Variants in TRPS1 observed in about 807,000 individuals in gnomAD.
The protein encoded by TRPS1 is transcriptional repressor GATA binding 1.
Under a neutral mutation model 101.2 loss-of-function variants are expected in TRPS1, and 6 were observed. That is an observed-to-expected ratio of 0.06 (90% CI 0.03 to 0.12). The LOEUF (loss-of-function observed/expected upper bound fraction) is 0.12. Among genes scored for constraint, TRPS1 ranks in the 10% least tolerant of loss-of-function variants. TRPS1 has a pLI of 1.00. For missense variants in TRPS1, 1,363 were observed against 1,567.0 expected (o/e 0.87, Z 2.20); for synonymous variants, 578 against 589.8 (o/e 0.98, Z 0.29).
chr8:115,431,996 A>G (rs1813330793), intron 5 of TRPS1, among the ~76,000 whole-genome samples: 1 of 151,834 alleles, frequency 6.6e-6, no homozygotes, highest in African/African-American at 2.4e-5. Context: ...GCATATACAC[A>G]TATATTCCTT....
intron 1 of TRPS1, among the ~76,000 whole-genome samples, chr8:115,666,541 T>C (rs959209562): frequency 8.5e-5 from 13 of 152,172 alleles, no homozygotes; most frequent in African/African-American, 3.1e-4. Flanking sequence ...GTTCAGAAAC[T>C]TTCATTCTCA....
chr8:115,505,002 C>G (rs1425797499), intron 5 of TRPS1, among the ~76,000 whole-genome samples: 1 of 152,012 alleles, frequency 6.6e-6, no homozygotes, highest in African/African-American at 2.4e-5. Flanking sequence ...ATATAGAGAA[C>G]CACATCATCT....
chr8:115,610,078 CAAAG>C (rs1403063771), intron 3 of TRPS1, among the ~76,000 whole-genome samples: 1 of 152,112 alleles, frequency 6.6e-6, no homozygotes, highest in South Asian at 2.1e-4. Context: ...TTCAACGCAG[CAAAG>C]AAAGAGTTGT....
intron 5 of TRPS1, among the ~76,000 whole-genome samples, chr8:115,495,906 T>C (rs1410215104): frequency 1.3e-5 from 2 of 152,162 alleles, no homozygotes; most frequent in Non-Finnish European, 2.9e-5. Flanking sequence ...CTTGAATTAT[T>C]AGACATCTTC....
At chr8:115,439,209 C>A (rs967907690) in intron 5 of TRPS1, among the ~76,000 whole-genome samples, 1 of 152,154 alleles carries the variant, frequency 6.6e-6, no homozygotes, top group African/African-American at 2.4e-5. Flanking sequence ...TTTATTTACA[C>A]CTGCTTTAGA....
chr8:115,414,101 A>G lies in TRPS1; in HGVS notation c.3807T>C (p.Tyr1269=), dbSNP rs1248058850. ...SICQHLCTDK[Y]DFTTHIQRGL... ...CCCTCTGGATATGTGTTGTGAAGTC[A>G]TATTTGTCCGTGCAAAGATGCTGGC... Residue 1269 remains tyrosine (Y), a synonymous_variant, in exon 7 of 7, where the codon TAT becomes TAC. Transcript: ENST00000395715. This position sits in a 1 kb window ranked among gnomAD's most constrained non-coding sequence, Gnocchi z 4.8. The G allele has an allele frequency of 4.3e-6, 7 of 1,613,810 alleles. No homozygotes were observed. Among genetic ancestry groups the G allele is most frequent in the South Asian group, 1.1e-5 (1 of 91,084 alleles).
At chr8:115,615,435 T>C (rs1210573124) in intron 3 of TRPS1, among the ~76,000 whole-genome samples, 1 of 152,084 alleles carries the variant, frequency 6.6e-6, no homozygotes. Context: ...AGGCCTCCAT[T>C]CAGTAATGGT....
chr8:115,442,555 G>A (rs1813626500), intron 5 of TRPS1, among the ~76,000 whole-genome samples: 2 of 149,170 alleles, frequency 1.3e-5, no homozygotes, highest in Admixed American at 1.3e-4. Context: ...TGGTGCGTGT[G>A]TGTGTGTGTG....
intron 5 of TRPS1, among the ~76,000 whole-genome samples, chr8:115,485,787 T>C (rs976073538): frequency 1.3e-5 from 2 of 152,146 alleles, no homozygotes; most frequent in African/African-American, 4.8e-5. Context: ...GATGATATAA[T>C]TTGGGAAGCT....
intron 5 of TRPS1, among the ~76,000 whole-genome samples, chr8:115,544,735 T>G (rs1361849762): frequency 6.6e-6 from 1 of 152,162 alleles, no homozygotes; most frequent in Non-Finnish European, 1.5e-5. Context: ...CACCCTTTCA[T>G]TAATTTATTA....
chr8:115,524,319 C>CTTTTTTTTTTTTTTTTTTTTTTTTTT (rs139406462), intron 5 of TRPS1, among the ~76,000 whole-genome samples: 2 of 70,716 alleles, frequency 2.8e-5, no homozygotes, highest in South Asian at 6.5e-4. Flanking sequence ...CTTCTTCTTC[C>CTTTTTTTTTTTTTTTTTTTTTTTTTT]TTTTTTTTTT....
intron 1 of TRPS1, among the ~76,000 whole-genome samples, chr8:115,624,967 T>C (rs1014674812): frequency 6.6e-6 from 1 of 151,698 alleles, no homozygotes; most frequent in African/African-American, 2.4e-5. Flanking sequence ...TATAAATATA[T>C]ACATGCATAC....
intron 5 of TRPS1, among the ~76,000 whole-genome samples, chr8:115,521,780 G>A (rs1304923518): frequency 6.6e-6 from 1 of 151,788 alleles, no homozygotes; most frequent in Non-Finnish European, 1.5e-5. Flanking sequence ...TATAAACCAA[G>A]TTTATGCAAT....
chr8:115,518,153 A>G (rs1815767784), intron 5 of TRPS1, among the ~76,000 whole-genome samples: 1 of 151,856 alleles, frequency 6.6e-6, no homozygotes, highest in Admixed American at 6.6e-5. Flanking sequence ...TAATGAAAAC[A>G]AATCCAAACC....
chr8:115,416,970 C>T (rs1042019620), intron 6 of TRPS1, among the ~76,000 whole-genome samples: 14 of 152,028 alleles, frequency 9.2e-5, no homozygotes, highest in African/African-American at 3.1e-4. Context: ...GTTTTTGACA[C>T]AAAATGTGAA....
intron 4 of TRPS1, among the ~76,000 whole-genome samples, chr8:115,599,514 A>C (rs1586443560): frequency 6.6e-6 from 1 of 151,930 alleles, no homozygotes; most frequent in Non-Finnish European, 1.5e-5. Context: ...CAACAAGCCC[A>C]GTGTGTGATG....
rs1299113325 is a variant in TRPS1 at position 115,411,044 on chromosome 8, G to C, written c.*2979C>G. The C allele has an allele frequency of 6.6e-6, 1 of 151,738 alleles. No homozygotes were observed. Among genetic ancestry groups the C allele is most frequent in the Non-Finnish European group, 1.5e-5 (1 of 67,882 alleles). The allele number at this position is 151,738 out of a possible 1,614,324, so 9.4% of individuals were successfully genotyped here. ...TAATATGTCAAAAAAGGAGTGTTTAGTGTTATAATAAATTTTTGTCTCTTT... is the reference window on the plus strand; with the variant it reads ...TAATATGTCAAAAAAGGAGTGTTTACTGTTATAATAAATTTTTGTCTCTTT... On this transcript the variant is annotated 3_prime_UTR_variant, in exon 7 of 7. Coordinates refer to ENST00000395715, the MANE Select transcript of TRPS1 (RefSeq NM_014112.5).
At chr8:115,473,164 C>T (rs1814515244) in intron 5 of TRPS1, among the ~76,000 whole-genome samples, 1 of 152,210 alleles carries the variant, frequency 6.6e-6, no homozygotes, top group Non-Finnish European at 1.5e-5. Flanking sequence ...TTATAAAGAA[C>T]TGCCCAAGAC....
At chr8:115,623,893 G>T in intron 1 of TRPS1, 135 bp from the exon 2 acceptor site, 1 of 734,290 alleles carries the variant, frequency 1.4e-6, no homozygotes, top group Non-Finnish European at 1.9e-6. Flanking sequence ...CAAATCTGGA[G>T]CAAGATCCTC....
Sources: allele counts gnomAD v4.1 joint callset (sites outside exome capture counted in the v4.1 genomes callset), GRCh38; gene constraint gnomAD v4.1.1; non-coding constraint Gnocchi (gnomAD v3.1); transcripts MANE v1.5; gene names NCBI Gene and HGNC (gene_info 2026-07-23, HGNC 2026-07-21).